AOPEP: variants seen among roughly 807,000 people sequenced by gnomAD.
AOPEP encodes the protein aminopeptidase O (putative).
A neutral mutation model predicts 98.1 loss-of-function variants in AOPEP; 77 were observed. That is an observed-to-expected ratio of 0.78 (90% CI 0.65 to 0.95). AOPEP has a LOEUF of 0.95. AOPEP is among the 40% of genes least tolerant of loss of function. The pLI is 0.00. For missense variants in AOPEP, 1,024 were observed against 1,024.7 expected (o/e 1.00, Z 0.01); for synonymous variants, 346 against 365.3 (o/e 0.95, Z 0.60).
chr9:94,816,521 C>G (rs1851732224), intron 5 of AOPEP, among the ~76,000 whole-genome samples: 1 of 152,162 alleles, frequency 6.6e-6, no homozygotes, highest in Admixed American at 6.5e-5. Flanking sequence ...GGCCACCTCC[C>G]TAAGTGAGCA....
At chr9:94,794,451 T>C (rs995085560) in intron 4 of AOPEP, among the ~76,000 whole-genome samples, 3 of 152,238 alleles carry the variant, frequency 2.0e-5, no homozygotes, top group African/African-American at 7.2e-5. Flanking sequence ...GTGTTGGTTT[T>C]ATTTTGTCAT....
At chr9:94,765,439 A>AAAAAAT (rs1554706555) in intron 2 of AOPEP, among the ~76,000 whole-genome samples, 2 of 123,820 alleles carry the variant, frequency 1.6e-5, no homozygotes, top group South Asian at 3.0e-4. Context: ...TTCTCTACAA[A>AAAAAAT]AATAATAATA....
intron 13 of AOPEP, chr9:95,019,707 A>G (rs1193776828): frequency 2.0e-5 from 3 of 152,206 alleles, no homozygotes; most frequent in Admixed American, 2.0e-4. Context: ...TCTAAATGTT[A>G]AAGAGAACAT....
intron 13 of AOPEP, among the ~76,000 whole-genome samples, chr9:95,048,005 T>C (rs2133731116): frequency 6.6e-6 from 1 of 152,342 alleles, no homozygotes; most frequent in African/African-American, 2.4e-5. Context: ...TCACATGATA[T>C]AAGCTATAAG....
At chr9:95,089,515 G>T (rs567266462), downstream of AOPEP, among the ~76,000 whole-genome samples, 5 of 152,352 alleles carry the variant, frequency 3.3e-5, no homozygotes, top group African/African-American at 1.2e-4. Flanking sequence ...ATGGCTCAGA[G>T]CTTTCCTCCA....
At chr9:95,033,047 A>G (rs1422073259) in intron 13 of AOPEP, among the ~76,000 whole-genome samples, 1 of 152,196 alleles carries the variant, frequency 6.6e-6, no homozygotes, top group Non-Finnish European at 1.5e-5. Context: ...TTGGAAGCAC[A>G]CCTGACATGG....
intron 13 of AOPEP, among the ~76,000 whole-genome samples, chr9:95,022,723 A>G (rs1207310916): frequency 6.6e-6 from 1 of 152,210 alleles, no homozygotes; most frequent in African/African-American, 2.4e-5. Flanking sequence ...TGTTTTAACA[A>G]TAGCTCAGTA....
chr9:94,800,174 A>G (rs1283447800), intron 4 of AOPEP, among the ~76,000 whole-genome samples: 2 of 152,216 alleles, frequency 1.3e-5, no homozygotes. Context: ...TTCCTTAATA[A>G]CAGCTTTTGA....
the AOPEP span, among the ~76,000 whole-genome samples, chr9:95,134,442 C>T: frequency 3.3e-5 from 5 of 152,138 alleles, no homozygotes; most frequent in African/African-American, 4.8e-5. Context: ...AACTAAAGAC[C>T]GGACCGTTCA....
intron 7 of AOPEP, among the ~76,000 whole-genome samples, chr9:94,952,530 G>A (rs2137882879): frequency 6.6e-6 from 1 of 152,324 alleles, no homozygotes; most frequent in Middle Eastern, 3.4e-3. Flanking sequence ...ATGTGTGTGT[G>A]CACTTCGTGG....
rs143130326 is a variant in AOPEP, at chr9:94,945,642, CCTT to C, written c.1662-9532_1662-9530del. 2.5e-3 allele frequency among the ~76,000 whole-genome samples: 380 copies of C among 152,272 alleles called. 1 individual carries two copies. The highest frequency in any genetic ancestry group is 8.6e-3 in the African/African-American group (359 of 41,552). ...TGTCCTCCACTGAGGAGGGAAAAGTCCTTCTCCAGCTCCCACGGGCCATCTGCT... is the reference window on the plus strand; with the variant it reads ...TGTCCTCCACTGAGGAGGGAAAAGTCCTCCAGCTCCCACGGGCCATCTGCT... On this transcript the variant is annotated intron_variant, in intron 7 of 16. Coordinates refer to ENST00000375315, the MANE Select transcript of AOPEP (RefSeq NM_001193329.3).
intron 4 of AOPEP, among the ~76,000 whole-genome samples, chr9:94,799,507 C>G (rs1381565694): frequency 6.6e-6 from 1 of 151,744 alleles, no homozygotes; most frequent in Admixed American, 6.6e-5. Context: ...GACTTGGAGG[C>G]TACAGTGAGC....
chr9:94,889,327 A>G (rs936994080), intron 5 of AOPEP, among the ~76,000 whole-genome samples: 1 of 152,012 alleles, frequency 6.6e-6, no homozygotes. Flanking sequence ...AATCTACTGT[A>G]TGTATCAAAA....
chr9:94,731,467 C>A (rs2131678177), intron 1 of AOPEP, among the ~76,000 whole-genome samples: 1 of 152,014 alleles, frequency 6.6e-6, no homozygotes, highest in South Asian at 2.1e-4. Flanking sequence ...ACCCCGTGAT[C>A]CGCCTGCCTC....
At chr9:95,118,904 T>C in the AOPEP span, among the ~76,000 whole-genome samples, 1 of 152,214 alleles carries the variant, frequency 6.6e-6, no homozygotes, top group South Asian at 2.1e-4. Context: ...TTCATGGACA[T>C]GTGTTTCTGT....
At chr9:95,132,971 A>T in the AOPEP span, among the ~76,000 whole-genome samples, 2 of 152,234 alleles carry the variant, frequency 1.3e-5, no homozygotes, top group Non-Finnish European at 2.9e-5. Flanking sequence ...TCACACTTTA[A>T]TTACTCTCAG....
the AOPEP span, chr9:95,135,499 C>G: frequency 6.2e-7 from 1 of 1,613,774 alleles, no homozygotes; most frequent in South Asian, 1.1e-5. Context: ...GAGAAATCTT[C>G]TTCCTTTCAG....
At chr9:95,138,846 T>A in the AOPEP span, among the ~76,000 whole-genome samples, 4 of 152,350 alleles carry the variant, frequency 2.6e-5, no homozygotes, top group East Asian at 7.7e-4. Context: ...CTCCAGTCAG[T>A]AAAGTGCGTG....
At chr9:94,963,885 A>G (rs1301252540) in intron 9 of AOPEP, among the ~76,000 whole-genome samples, 2 of 152,224 alleles carry the variant, frequency 1.3e-5, no homozygotes, top group Non-Finnish European at 2.9e-5. Context: ...CTTGTGCTGT[A>G]GAAAGTGGAA....
Sources: gnomAD v4.1 joint callset for allele counts (sites outside exome capture counted in the v4.1 genomes callset) on GRCh38, gnomAD v4.1.1 for gene constraint, MANE v1.5 for transcripts, NCBI Gene and HGNC (gene_info 2026-07-23, HGNC 2026-07-21) for gene names.